The following ARHGAP42 variants were observed in gnomAD, a reference collection of about 807,000 sequenced individuals.
ARHGAP42 encodes the protein rho GTPase-activating protein 42.
Under a neutral mutation model 125.0 loss-of-function variants are expected in ARHGAP42, and 63 were observed. That is an observed-to-expected ratio of 0.50 (90% CI 0.41 to 0.62). The LOEUF (loss-of-function observed/expected upper bound fraction) is 0.62. Among genes scored for constraint, ARHGAP42 ranks in the 20% least tolerant of loss-of-function variants. The pLI, the probability that ARHGAP42 is intolerant of heterozygous loss-of-function variation, is 0.00. For missense variants in ARHGAP42, 766 were observed against 1,024.2 expected, an observed-to-expected ratio of 0.75 and a Z score of 3.44; for synonymous variants, 339 against 351.0, an observed-to-expected ratio of 0.97 and a Z score of 0.38.
At chr11:100,899,428 T>C (rs1479496839) in intron 4 of ARHGAP42, among the ~76,000 whole-genome samples, 1 of 152,200 alleles carries the variant, frequency 6.6e-6, no homozygotes, top group African/African-American at 2.4e-5. Context: ...TTCTGTCTAA[T>C]ATTGACAGTG....
At chr11:100,780,236 T>A (rs1863273915) in intron 2 of ARHGAP42, among the ~76,000 whole-genome samples, 3 of 152,128 alleles carry the variant, frequency 2.0e-5, no homozygotes, top group African/African-American at 4.8e-5. Flanking sequence ...ACCCCTTTTT[T>A]AAAATAACAT....
At chr11:100,985,977 C>T in intron 22 of ARHGAP42, 1 of 453,692 alleles carries the variant, frequency 2.2e-6, no homozygotes, top group Non-Finnish European at 4.4e-6. Flanking sequence ...GCTGGGACCC[C>T]AAGGAGGATA....
chr11:100,945,022 A>G (rs1867979781), intron 10 of ARHGAP42, among the ~76,000 whole-genome samples: 3 of 152,092 alleles, frequency 2.0e-5, no homozygotes, highest in Admixed American at 2.0e-4. Flanking sequence ...AATTGGAGTC[A>G]GTCCTTTCAA....
intron 3 of ARHGAP42, among the ~76,000 whole-genome samples, chr11:100,821,735 G>C (rs1864410192): frequency 6.6e-6 from 1 of 151,624 alleles, no homozygotes; most frequent in Non-Finnish European, 1.5e-5. Context: ...TATCTTTTCT[G>C]CTTTGTCGTA....
chr11:100,779,216 G>A (rs1863206925), intron 2 of ARHGAP42, among the ~76,000 whole-genome samples: 1 of 151,696 alleles, frequency 6.6e-6, no homozygotes, highest in Admixed American at 6.6e-5. Context: ...GGAGGCCAAG[G>A]TGGGTGGATC....
chr11:100,973,288 A>C lies in ARHGAP42; in HGVS notation c.1664A>C (p.Lys555Thr). The change falls in exon 18 of 24, where the codon AAA becomes ACA. Residue 555 changes from lysine (K) to threonine (T), a missense_variant. Lys to Thr is a moderately conservative substitution (Grantham distance 78, BLOSUM62 -1). Coordinates refer to ENST00000298815, the MANE Select transcript of ARHGAP42 (RefSeq NM_152432.4). ...ACTGTGGCTGCTATGATGAATATTA[A>C]ATTTCAGAATATTGTGGTAGAAATT... Reference protein sequence around the residue: ...EETVAAMMNIKFQNIVVEILI... With the variant: ...EETVAAMMNITFQNIVVEILI... 1 of 1,551,004 alleles carries C rather than the reference A, an allele frequency of 6.4e-7. No individual in the cohort carries two copies. The highest frequency in any genetic ancestry group is 8.7e-7 in the Non-Finnish European group (1 of 1,146,670).
intron 21 of ARHGAP42, among the ~76,000 whole-genome samples, chr11:100,977,694 T>TA (rs1858428217): frequency 6.6e-6 from 1 of 152,224 alleles, no homozygotes; most frequent in Admixed American, 6.5e-5. Context: ...TTACATGAGT[T>TA]ATCTCTTTTA....
At chr11:100,853,803 A>G (rs1649407884) in intron 3 of ARHGAP42, among the ~76,000 whole-genome samples, 1 of 151,992 alleles carries the variant, frequency 6.6e-6, no homozygotes. Context: ...ATTGCTTGCC[A>G]TTTTACCCCT....
At chr11:100,791,638 A>G (rs1017568613) in intron 2 of ARHGAP42, among the ~76,000 whole-genome samples, 4 of 152,048 alleles carry the variant, frequency 2.6e-5, no homozygotes, top group African/African-American at 9.7e-5. Flanking sequence ...TACAAAATTT[A>G]AAGACACCCA....
At chr11:100,776,945 T>G (rs1863141294) in intron 2 of ARHGAP42, among the ~76,000 whole-genome samples, 1 of 141,068 alleles carries the variant, frequency 7.1e-6, no homozygotes, top group African/African-American at 2.7e-5. Flanking sequence ...ATTGCACCAC[T>G]GCACTCCAGC....
At chr11:100,986,063 C>T in intron 22 of ARHGAP42, 1 of 456,606 alleles carries the variant, frequency 2.2e-6, no homozygotes, top group Non-Finnish European at 4.4e-6. Context: ...TTTTCTCACT[C>T]ATTCATTTAG....
intron 4 of ARHGAP42, among the ~76,000 whole-genome samples, chr11:100,913,113 A>T (rs1008477260): frequency 6.6e-6 from 1 of 152,168 alleles, no homozygotes; most frequent in Non-Finnish European, 1.5e-5. Flanking sequence ...TCTATTGTTA[A>T]GAGTCAATTA....
intron 22 of ARHGAP42, among the ~76,000 whole-genome samples, chr11:100,981,201 T>C (rs150119290): frequency 2.0e-5 from 3 of 152,352 alleles, no homozygotes; most frequent in African/African-American, 7.2e-5. Flanking sequence ...ATGTACACAA[T>C]ACTGTGTTTG....
At chr11:100,785,046 GGCCCTT>G (rs1400361027) in intron 2 of ARHGAP42, among the ~76,000 whole-genome samples, 1 of 152,106 alleles carries the variant, frequency 6.6e-6, no homozygotes, top group African/African-American at 2.4e-5. Context: ...AGGATAGTAG[GGCCCTT>G]GCTTGGAGCT....
chr11:100,712,001 A>G (rs1279879840), intron 1 of ARHGAP42, among the ~76,000 whole-genome samples: 1 of 152,234 alleles, frequency 6.6e-6, no homozygotes, highest in Non-Finnish European at 1.5e-5. Flanking sequence ...AATTAGTAAT[A>G]TGTTTCAAGA....
chr11:100,779,524 A>G (rs1418372340), intron 2 of ARHGAP42, among the ~76,000 whole-genome samples: 1 of 142,656 alleles, frequency 7.0e-6, no homozygotes, highest in Non-Finnish European at 1.5e-5. Context: ...ATATACGTAT[A>G]CATGCGTATA....
chr11:100,967,360 A>G (rs1441758320), intron 17 of ARHGAP42, among the ~76,000 whole-genome samples: 1 of 152,212 alleles, frequency 6.6e-6, no homozygotes. Context: ...CAAAAAATAT[A>G]TATTGTGGGT....
intron 8 of ARHGAP42, among the ~76,000 whole-genome samples, chr11:100,939,065 A>G (rs984778846): frequency 6.6e-6 from 1 of 152,176 alleles, no homozygotes; most frequent in African/African-American, 2.4e-5. Flanking sequence ...CATTGTTTGG[A>G]CACAGAGTTC....
chr11:100,709,391 T>C (rs1292321540), intron 1 of ARHGAP42, among the ~76,000 whole-genome samples: 1 of 152,180 alleles, frequency 6.6e-6, no homozygotes, highest in Non-Finnish European at 1.5e-5. Flanking sequence ...CTGAGACAGC[T>C]CTTAAGTGAC....
Sources: allele counts gnomAD v4.1 joint callset (sites outside exome capture counted in the v4.1 genomes callset), GRCh38; gene constraint gnomAD v4.1.1; transcripts MANE v1.5; gene names NCBI Gene and HGNC (gene_info 2026-07-23, HGNC 2026-07-21).